The following FAM184A variants were observed in gnomAD, a reference collection of about 807,000 sequenced individuals.
FAM184A encodes family with sequence similarity 184 member A, also known as protein FAM184A.
A neutral mutation model predicts 143.8 loss-of-function variants in FAM184A; 99 were observed. The ratio of observed to expected loss-of-function variants is 0.69; its 90% CI spans 0.58 to 0.81. The LOEUF is 0.81. Ranked by LOEUF, FAM184A falls within the 40% of genes least tolerant of loss-of-function variation. The pLI, the probability that FAM184A is intolerant of heterozygous loss-of-function variation, is 0.00. For missense variants in FAM184A, 1,217 were observed against 1,310.5 expected (o/e 0.93, Z 1.10); for synonymous variants, 427 against 446.4 (o/e 0.96, Z 0.55).
At chr6:118,999,559 A>T (rs1582485466) in intron 9 of FAM184A, among the ~76,000 whole-genome samples, 1 of 151,874 alleles carries the variant, frequency 6.6e-6, no homozygotes, top group South Asian at 2.1e-4. Context: ...TATTTTTGTC[A>T]CTCCTCTGTG....
chr6:119,054,433 T>C (rs972721028), intron 1 of FAM184A, among the ~76,000 whole-genome samples: 1 of 152,222 alleles, frequency 6.6e-6, no homozygotes, highest in African/African-American at 2.4e-5. Flanking sequence ...TGGTGCCTTC[T>C]ATGTGTTCTC....
chr6:119,079,065 C>G (rs1360138326), upstream of FAM184A: 1 of 152,270 alleles, frequency 6.6e-6, no homozygotes, highest in African/African-American at 2.4e-5. Context: ...CTCGTGTGTG[C>G]AGGGCCCCAA....
chr6:119,118,242 A>C lies in FAM184A; in HGVS notation c.-202+30836T>G, dbSNP rs150855296. ...TGGCTCCACCATTCACTAGCTATAA[A>C]ATTAATTTAACATTCATTTCTTCCT... On this transcript the variant is annotated intron_variant, in intron 1 of 16. Transcript: ENST00000352896. Among the ~76,000 whole-genome samples the C allele has an allele frequency of 1.7e-3, 257 of 152,332 alleles. 1 individual carries two copies. Among genetic ancestry groups the C allele is most frequent in the African/African-American group, 5.6e-3 (234 of 41,578 alleles).
intron 9 of FAM184A, among the ~76,000 whole-genome samples, chr6:119,000,402 A>G (rs1311926644): frequency 6.6e-6 from 1 of 152,238 alleles, no homozygotes; most frequent in Non-Finnish European, 1.5e-5. Context: ...AGAAAGAGAG[A>G]ACACAATGAA....
At chr6:119,015,634 G>A (rs1009090494) in intron 5 of FAM184A, among the ~76,000 whole-genome samples, 3 of 152,192 alleles carry the variant, frequency 2.0e-5, no homozygotes, top group East Asian at 1.9e-4. Flanking sequence ...TGTGCAACCC[G>A]AGCCTCCCCC....
intron 5 of FAM184A, among the ~76,000 whole-genome samples, chr6:119,014,949 C>G (rs1377226979): frequency 1.3e-5 from 2 of 151,924 alleles, no homozygotes; most frequent in African/African-American, 4.8e-5. Context: ...GTCCCAGCTA[C>G]TCAGGAGGCT....
chr6:119,078,022 C>T lies in FAM184A; in HGVS notation c.159+119G>A. ...TTGGAGGTGTCTCCGGCTGTTGCTT[C>T]GGCGGAGGAGTAGAGTTCCCCTCGC... On this transcript the variant is annotated intron_variant, in intron 1 of 17. Coordinates refer to ENST00000338891, the MANE Select transcript of FAM184A (RefSeq NM_024581.6). This position sits in a 1 kb window ranked among gnomAD's most constrained non-coding sequence, Gnocchi z 5.5. The T allele has an allele frequency of 2.5e-6, 3 of 1,202,380 alleles. No homozygotes were observed. The South Asian group carries it at 4.6e-5, about 18-fold the overall frequency. The allele number at this position is 1,202,380 out of a possible 1,614,324, so 74.5% of individuals were successfully genotyped here. A position where few individuals can be genotyped will look rare whatever the true frequency, so the allele number is the denominator to read the frequency against.
intron 1 of FAM184A, among the ~76,000 whole-genome samples, chr6:119,077,534 T>A (rs1787917901): frequency 1.3e-5 from 2 of 152,224 alleles, no homozygotes. Context: ...AACTGCTCTT[T>A]GAAAATTATC....
At chr6:119,112,994 G>A (rs1458917989) in intron 1 of FAM184A, among the ~76,000 whole-genome samples, 2 of 152,136 alleles carry the variant, frequency 1.3e-5, no homozygotes, top group African/African-American at 4.8e-5. Flanking sequence ...GGGAGGGGAA[G>A]GTTTTACTTC....
chr6:119,117,599 T>C (rs1171275924), intron 1 of FAM184A, among the ~76,000 whole-genome samples: 2 of 152,224 alleles, frequency 1.3e-5, no homozygotes, highest in Non-Finnish European at 2.9e-5. Flanking sequence ...AGGTAAGACC[T>C]GCTTCTTACG....
chr6:119,142,394 A>T (rs1173469337), intron 1 of FAM184A, among the ~76,000 whole-genome samples: 1 of 152,220 alleles, frequency 6.6e-6, no homozygotes, highest in East Asian at 1.9e-4. Context: ...ACCAAAGGCC[A>T]CAACAATTAG....
intron 15 of FAM184A, among the ~76,000 whole-genome samples, chr6:118,965,477 C>T (rs1030760348): frequency 6.6e-6 from 1 of 152,206 alleles, no homozygotes; most frequent in Admixed American, 6.5e-5. Flanking sequence ...TTACCTTTGG[C>T]TTCACCAACA....
At chr6:119,011,095 A>G (rs556326942) in intron 6 of FAM184A, 2 of 437,474 alleles carry the variant, frequency 4.6e-6, no homozygotes, top group East Asian at 4.7e-5. Context: ...TCTCCCCACA[A>G]CAGCACCTTA....
rs958550056 is a variant in FAM184A at position 119,113,412 on chromosome 6, T to C, written c.-202+35666A>G. 5.3e-5 allele frequency among the ~76,000 whole-genome samples: 8 copies of C among 152,282 alleles called. No individual in the cohort carries two copies. The East Asian group carries it at 1.2e-3, about 22-fold the overall frequency. On this transcript the variant is annotated intron_variant, in intron 1 of 16. Transcript: ENST00000352896. ...CCCATTATGACTTGGTGCCTGGATG[T>C]GGAGACTTGCTTCCCAGTGATGCTT...
In FAM184A at chr6:119,020,693, A is replaced by C. The variant is rs529657776; in HGVS notation, c.1151-534T>G. Among the ~76,000 whole-genome samples the C allele has an allele frequency of 2.0e-5, 3 of 152,350 alleles. No individual in the cohort carries two copies. In the South Asian group the frequency reaches 6.2e-4, roughly 32 times the overall value. ...TTGAATTTGTTTCAGGCAAGAGGCCAGATAAAGACCTAAAGTGGAGCTTGT... is the reference window on the plus strand; with the variant it reads ...TTGAATTTGTTTCAGGCAAGAGGCCCGATAAAGACCTAAAGTGGAGCTTGT... On this transcript the variant is annotated intron_variant, in intron 3 of 17. Coordinates refer to ENST00000338891, the MANE Select transcript of FAM184A (RefSeq NM_024581.6).
In FAM184A at chr6:118,974,593, G is replaced by T; in HGVS notation, c.2769-19C>A. ...ATGCAACCTGTTTGATTTATTTTTAGTTAAGAAAATGTTATTCTGAAGTCA... is the reference window on the plus strand; with the variant it reads ...ATGCAACCTGTTTGATTTATTTTTATTTAAGAAAATGTTATTCTGAAGTCA... On this transcript the variant is annotated intron_variant, in intron 13 of 17. Transcript: ENST00000338891. The T allele has an allele frequency of 1.3e-6, 2 of 1,570,164 alleles. No homozygotes were observed. Among genetic ancestry groups the T allele is most frequent in the East Asian group, 2.3e-5 (1 of 43,830 alleles).
chr6:119,118,453 T>C (rs1343811345), intron 1 of FAM184A, among the ~76,000 whole-genome samples: 3 of 152,190 alleles, frequency 2.0e-5, no homozygotes, highest in Non-Finnish European at 4.4e-5. Context: ...TCATGAGTTG[T>C]TGCGGGAAGT....
At chr6:119,106,537 A>G (rs10456920) in intron 1 of FAM184A, among the ~76,000 whole-genome samples, 8,368 of 152,310 alleles carry the variant, frequency 0.055, 392 homozygotes, top group East Asian at 0.23. Flanking sequence ...AAGTAAGCCA[A>G]CTACTGGCTA....
At chr6:119,101,673 A>G (rs1788640704) in intron 1 of FAM184A, among the ~76,000 whole-genome samples, 1 of 152,224 alleles carries the variant, frequency 6.6e-6, no homozygotes, top group African/African-American at 2.4e-5. Flanking sequence ...AACATTCTTC[A>G]TATGAATCTT....
Sources: gnomAD v4.1 joint callset for allele counts (sites outside exome capture counted in the v4.1 genomes callset) on GRCh38, gnomAD v4.1.1 for gene constraint, Gnocchi (gnomAD v3.1) non-coding constraint, MANE v1.5 for transcripts, NCBI Gene and HGNC (gene_info 2026-07-23, HGNC 2026-07-21) for gene names.